CNBD1: variants seen among roughly 807,000 people sequenced by gnomAD.
CNBD1 encodes cyclic nucleotide binding domain containing 1.
Under a neutral mutation model 54.4 loss-of-function variants are expected in CNBD1, and 71 were observed. That is an observed-to-expected ratio of 1.30 (90% CI 1.08 to 1.59). CNBD1 has a LOEUF of 1.59. Ranked by LOEUF, CNBD1 falls within the 40% of genes most tolerant of loss-of-function variation. The pLI, the probability that CNBD1 is intolerant of heterozygous loss-of-function variation, is 0.00. For missense variants in CNBD1, 659 were observed against 518.0 expected, an observed-to-expected ratio of 1.27 and a Z score of -2.64; for synonymous variants, 182 against 170.7, an observed-to-expected ratio of 1.07 and a Z score of -0.51.
chr8:86,952,823 T>G (rs1316452857), intron 4 of CNBD1, among the ~76,000 whole-genome samples: 2 of 152,126 alleles, frequency 1.3e-5, no homozygotes, highest in Non-Finnish European at 2.9e-5. Context: ...ATAATCAAAT[T>G]GCTCCCAAGA....
chr8:87,033,710 C>T (rs150083163), intron 4 of CNBD1, among the ~76,000 whole-genome samples: 35 of 152,234 alleles, frequency 2.3e-4, no homozygotes, highest in East Asian at 5.8e-4. Flanking sequence ...TGTCTTAAAA[C>T]CTTTTTCAGG....
At position 87,325,876 on chromosome 8, in the gene CNBD1, T is replaced by C. The variant is rs796610295; in HGVS notation, c.1043-25809T>C. On this transcript the variant is annotated intron_variant, in intron 8 of 10. Transcript: ENST00000518476. ...GTTAGCTGGTGATTTTGCTCGTTAG[T>C]TGATGCAGTTTCTTCCTAGTCTCGA... 1.4e-4 allele frequency among the ~76,000 whole-genome samples: 20 copies of C among 142,880 alleles called. No individual in the cohort carries two copies. The South Asian group carries it at 4.3e-3, about 31-fold the overall frequency. 93.7% of individuals were successfully genotyped at this position (142,880 alleles called of 152,430 possible). A position where few individuals can be genotyped will look rare whatever the true frequency, so the allele number is the denominator to read the frequency against.
intron 8 of CNBD1, among the ~76,000 whole-genome samples, chr8:87,339,389 A>C (rs1238436816): frequency 2.6e-5 from 4 of 152,134 alleles, no homozygotes; most frequent in African/African-American, 9.7e-5. Flanking sequence ...GTCATTTCCC[A>C]TGGAAATTTC....
chr8:86,897,671 T>C (rs1808867244), intron 2 of CNBD1, among the ~76,000 whole-genome samples: 1 of 152,212 alleles, frequency 6.6e-6, no homozygotes, highest in Non-Finnish European at 1.5e-5. Flanking sequence ...ATAATGTTTT[T>C]TTCCTCTTCT....
intron 4 of CNBD1, among the ~76,000 whole-genome samples, chr8:87,139,544 T>C (rs1812329925): frequency 6.6e-6 from 1 of 152,158 alleles, no homozygotes; most frequent in Non-Finnish European, 1.5e-5. Flanking sequence ...AATTGGCATG[T>C]ATGGGCAGAG....
intron 6 of CNBD1, among the ~76,000 whole-genome samples, chr8:87,240,902 AT>A (rs1807684471): frequency 6.6e-6 from 1 of 151,942 alleles, no homozygotes; most frequent in African/African-American, 2.4e-5. Context: ...TAGGGTCAAA[AT>A]TCATCTCTCC....
At chr8:87,374,725 T>C (rs757280934) in intron 10 of CNBD1, among the ~76,000 whole-genome samples, 1 of 151,836 alleles carries the variant, frequency 6.6e-6, no homozygotes, top group Non-Finnish European at 1.5e-5. Context: ...TCACTCACTG[T>C]CTGGAAGTCA....
chr8:87,408,169 T>G lies in CNBD1; in HGVS notation c.214-20377T>G, dbSNP rs186442175. Among the ~76,000 whole-genome samples the G allele has an allele frequency of 1.1e-3, 168 of 152,168 alleles. 3 individuals carry two copies. In the East Asian group the frequency reaches 0.016, roughly 15 times the overall value. ...TTTCTATGGTTTGAAGTCTTGGTAA[T>G]TACCTCCTCAAACATTGCTTCTGCT... On this transcript the variant is annotated intron_variant, in intron 2 of 7. Transcript: ENST00000521593.
At chr8:87,071,132 A>C (rs892263475) in intron 4 of CNBD1, among the ~76,000 whole-genome samples, 3 of 152,132 alleles carry the variant, frequency 2.0e-5, no homozygotes, top group Non-Finnish European at 4.4e-5. Context: ...AAAATACAGT[A>C]GTCCAAATGT....
At chr8:87,144,878 A>T (rs1430473593) in intron 4 of CNBD1, among the ~76,000 whole-genome samples, 2 of 151,934 alleles carry the variant, frequency 1.3e-5, no homozygotes, top group African/African-American at 2.4e-5. Flanking sequence ...TAGTAGAGAG[A>T]TAGGAAAATG....
intron 4 of CNBD1, among the ~76,000 whole-genome samples, chr8:87,124,385 A>G (rs1344085556): frequency 5.3e-5 from 8 of 151,724 alleles, no homozygotes; most frequent in Non-Finnish European, 1.2e-4. Flanking sequence ...TGGCAATGGT[A>G]TGAAACTAGA....
chr8:87,229,374 C>G (rs998958237), intron 5 of CNBD1, among the ~76,000 whole-genome samples: 2 of 152,074 alleles, frequency 1.3e-5, no homozygotes, highest in African/African-American at 2.4e-5. Flanking sequence ...TGTTTCTTCT[C>G]ACAGGTTAAA....
intron 4 of CNBD1, among the ~76,000 whole-genome samples, chr8:87,062,806 A>C (rs1045534626): frequency 2.6e-5 from 4 of 152,130 alleles, no homozygotes; most frequent in Non-Finnish European, 4.4e-5. Context: ...AATGTGAGCC[A>C]TGGGGCTTTG....
At chr8:86,905,000 G>T (rs1028714205) in intron 2 of CNBD1, 81 bp from the exon 3 acceptor site, 2 of 709,450 alleles carry the variant, frequency 2.8e-6, no homozygotes, top group Admixed American at 2.3e-5. Context: ...GAATTGATAC[G>T]TATATATTGA....
intron 4 of CNBD1, among the ~76,000 whole-genome samples, chr8:87,121,942 G>A (rs1811899829): frequency 6.6e-6 from 1 of 150,710 alleles, no homozygotes; most frequent in Non-Finnish European, 1.5e-5. Flanking sequence ...ATATATATAT[G>A]ACAGATACTT....
At chr8:87,140,018 G>A (rs1438217218) in intron 4 of CNBD1, among the ~76,000 whole-genome samples, 1 of 151,894 alleles carries the variant, frequency 6.6e-6, no homozygotes, top group African/African-American at 2.4e-5. Context: ...CATTATATTA[G>A]TTTCACCAAG....
rs192090028 is a variant in CNBD1, at chr8:87,341,430, C to T, written c.1043-10255C>T. On this transcript the variant is annotated intron_variant, in intron 8 of 10. Coordinates refer to ENST00000518476, the MANE Select transcript of CNBD1 (RefSeq NM_173538.3). ...GGGGAAACTGGTTGCTGGGAGTTTTCTCTTAATCACATAGTGCTGTGCTGG... is the reference window on the plus strand; with the variant it reads ...GGGGAAACTGGTTGCTGGGAGTTTTTTCTTAATCACATAGTGCTGTGCTGG... Among the ~76,000 whole-genome samples, 393 of 152,244 alleles carry T rather than the reference C, an allele frequency of 2.6e-3. 3 individuals are homozygous for T. The highest frequency in any genetic ancestry group is 8.9e-3 in the African/African-American group (371 of 41,556).
intron 4 of CNBD1, among the ~76,000 whole-genome samples, chr8:87,001,896 T>A (rs1440948161): frequency 6.6e-6 from 1 of 152,212 alleles, no homozygotes; most frequent in South Asian, 2.1e-4. Flanking sequence ...TTCACTACTT[T>A]AGGAAGTCAC....
chr8:86,974,723 T>A (rs762317184), intron 4 of CNBD1, among the ~76,000 whole-genome samples: 9 of 151,920 alleles, frequency 5.9e-5, no homozygotes, highest in African/African-American at 9.7e-5. Flanking sequence ...AAATATAATA[T>A]TATTTAGGAA....
Sources: gnomAD v4.1 joint callset for allele counts (sites outside exome capture counted in the v4.1 genomes callset) on GRCh38, gnomAD v4.1.1 for gene constraint, MANE v1.5 for transcripts, NCBI Gene and HGNC (gene_info 2026-07-23, HGNC 2026-07-21) for gene names.